CMSS1: variants seen among roughly 807,000 people sequenced by gnomAD.
The protein encoded by CMSS1 is protein CMSS1.
CMSS1 carries 33 observed loss-of-function variants against 43.5 expected under a neutral mutation model. The observed-to-expected ratio is 0.76, with a 90% CI of 0.57 to 1.01. CMSS1 has a LOEUF of 1.01. Ranked by LOEUF, CMSS1 falls within the 50% of genes least tolerant of loss-of-function variation. The pLI, the probability that CMSS1 is intolerant of heterozygous loss-of-function variation, is 0.00. For synonymous variants in CMSS1, 115 were observed against 117.2 expected (o/e 0.98, Z 0.12); for missense variants, 313 against 326.4 (o/e 0.96, Z 0.32).
chr3:100,172,487 A>G, intron 8 of CMSS1, 84 bp downstream of exon 8: 1 of 1,033,862 alleles, frequency 9.7e-7, no homozygotes, highest in Non-Finnish European at 1.5e-6. Context: ...TAAATTCAGG[A>G]TATACAAAAA....
At chr3:99,870,306 A>G (rs2107579762) in intron 1 of CMSS1, among the ~76,000 whole-genome samples, 1 of 152,338 alleles carries the variant, frequency 6.6e-6, no homozygotes, top group Non-Finnish European at 1.5e-5. Context: ...CCGTTGAGAC[A>G]CTAACATTTA....
intron 1 of CMSS1, among the ~76,000 whole-genome samples, chr3:99,820,647 T>C (rs985330207): frequency 6.6e-6 from 1 of 152,278 alleles, no homozygotes; most frequent in Non-Finnish European, 1.5e-5. Flanking sequence ...ACAGCGTTTC[T>C]AATTCAAAAG....
chr3:99,827,573 C>T (rs1942558460), intron 1 of CMSS1, among the ~76,000 whole-genome samples: 1 of 152,102 alleles, frequency 6.6e-6, no homozygotes, highest in African/African-American at 2.4e-5. Context: ...TGCTGGTTCC[C>T]ATAGAAGTGT....
chr3:99,900,948 T>A (rs1472143925), intron 1 of CMSS1, among the ~76,000 whole-genome samples: 1 of 152,206 alleles, frequency 6.6e-6, no homozygotes, highest in Non-Finnish European at 1.5e-5. Flanking sequence ...ATGATGGTAG[T>A]AGGATCTGGA....
At chr3:99,889,683 C>A (rs1706022883) in intron 1 of CMSS1, among the ~76,000 whole-genome samples, 1 of 151,840 alleles carries the variant, frequency 6.6e-6, no homozygotes, top group African/African-American at 2.4e-5. Context: ...TATTTCCTCT[C>A]TCTCTCTACC....
intron 1 of CMSS1, among the ~76,000 whole-genome samples, chr3:99,962,560 T>G (rs1294352040): frequency 6.6e-6 from 1 of 152,206 alleles, no homozygotes. Context: ...GAGATAATAT[T>G]GTTTTAACAT....
chr3:100,085,449 C>T (rs1394870491), intron 1 of CMSS1, among the ~76,000 whole-genome samples: 1 of 152,122 alleles, frequency 6.6e-6, no homozygotes, highest in Admixed American at 6.6e-5. Context: ...ATGCTTTCTC[C>T]AAGTGCTTGT....
At chr3:100,079,186 G>A (rs1004525246) in intron 1 of CMSS1, among the ~76,000 whole-genome samples, 8 of 152,188 alleles carry the variant, frequency 5.3e-5, no homozygotes, top group African/African-American at 1.2e-4. Context: ...ACTGGCTTAC[G>A]AGAATGCAAA....
intron 1 of CMSS1, chr3:99,833,183 C>A: frequency 6.6e-7 from 1 of 1,526,102 alleles, no homozygotes. Context: ...TAACCCAGTT[C>A]AACATGAAGA....
chr3:99,993,423 A>G (rs1709582105), intron 1 of CMSS1, among the ~76,000 whole-genome samples: 1 of 152,072 alleles, frequency 6.6e-6, no homozygotes, highest in East Asian at 1.9e-4. Context: ...TCAGCAGCTA[A>G]CAGGAAAAAT....
chr3:100,129,030 C>T (rs1200882366), intron 1 of CMSS1, among the ~76,000 whole-genome samples: 1 of 152,202 alleles, frequency 6.6e-6, no homozygotes, highest in African/African-American at 2.4e-5. Flanking sequence ...GGTGCCACCA[C>T]AGTCAGTATA....
Position 100,058,277 on chromosome 3 carries a change from A to T in CMSS1, c.65-88696A>T, listed in dbSNP as rs1172404012. On this transcript the variant is annotated intron_variant, in intron 1 of 9. Coordinates refer to ENST00000421999, the MANE Select transcript of CMSS1 (RefSeq NM_032359.4). ...TACTGTTCTATGTTCAAGGCACGGA[A>T]CAGAGTTGGAGATTTTAGAAACTGT... Among the ~76,000 whole-genome samples the T allele has an allele frequency of 4.6e-5, 7 of 152,258 alleles. No individual in the cohort carries two copies. The East Asian group carries it at 1.3e-3, about 29-fold the overall frequency.
At chr3:100,016,526 G>C (rs1710345258) in intron 1 of CMSS1, among the ~76,000 whole-genome samples, 1 of 152,170 alleles carries the variant, frequency 6.6e-6, no homozygotes, top group African/African-American at 2.4e-5. Flanking sequence ...TGGCTGTGAA[G>C]ACTGGCAGAC....
intron 8 of CMSS1, among the ~76,000 whole-genome samples, 184 bp downstream of exon 8, chr3:100,172,587 G>A (rs1211753103): frequency 6.6e-6 from 1 of 152,172 alleles, no homozygotes. Context: ...GAATGATAAG[G>A]ACTGTGGCAA....
intron 1 of CMSS1, among the ~76,000 whole-genome samples, chr3:100,032,779 G>A (rs1399170395): frequency 6.6e-6 from 1 of 152,158 alleles, no homozygotes; most frequent in Non-Finnish European, 1.5e-5. Flanking sequence ...AAATGGTAAT[G>A]CAGTTGTGTG....
chr3:99,886,995 G>T (rs1705922417), intron 1 of CMSS1, among the ~76,000 whole-genome samples: 1 of 134,722 alleles, frequency 7.4e-6, no homozygotes, highest in Non-Finnish European at 1.6e-5. Context: ...GTACTGGCCG[G>T]GTGTGGTGGC....
chr3:100,118,391 G>C (rs2066593439), intron 1 of CMSS1, among the ~76,000 whole-genome samples: 1 of 151,990 alleles, frequency 6.6e-6, no homozygotes, highest in Admixed American at 6.6e-5. Flanking sequence ...AAGAGATTTT[G>C]AGATATTAAA....
At chr3:100,177,341 A>G (rs575061893) in intron 9 of CMSS1, among the ~76,000 whole-genome samples, 7 of 152,340 alleles carry the variant, frequency 4.6e-5, no homozygotes, top group African/African-American at 1.7e-4. Context: ...CTGGTTTCTT[A>G]AAACTGGTTT....
At chr3:99,917,891 A>G (rs981605448) in intron 1 of CMSS1, among the ~76,000 whole-genome samples, 8 of 152,224 alleles carry the variant, frequency 5.3e-5, no homozygotes, top group Non-Finnish European at 7.3e-5. Context: ...GTTCATGACA[A>G]TCACATAATC....
Sources: allele counts gnomAD v4.1 joint callset (sites outside exome capture counted in the v4.1 genomes callset), GRCh38; gene constraint gnomAD v4.1.1; transcripts MANE v1.5; gene names NCBI Gene and HGNC (gene_info 2026-07-23, HGNC 2026-07-21).